HTR1E: variants seen among roughly 807,000 people sequenced by gnomAD.
HTR1E encodes 5-hydroxytryptamine receptor 1E.
A neutral mutation model predicts 3.4 loss-of-function variants in HTR1E; 3 were observed. That is an observed-to-expected ratio of 0.89 (90% CI 0.41 to 2.31). The LOEUF (loss-of-function observed/expected upper bound fraction) is 2.31, where lower values mean the gene tolerates loss of function less well. Among genes scored for constraint, HTR1E ranks in the 30% most tolerant of loss-of-function variants. The pLI is 0.05. For missense variants in HTR1E, 392 were observed against 467.0 expected (o/e 0.84, Z 1.48); for synonymous variants, 170 against 182.8 (o/e 0.93, Z 0.56).
chr6:86,991,492 G>A (rs1435531833), intron 1 of HTR1E, among the ~76,000 whole-genome samples: 1 of 152,064 alleles, frequency 6.6e-6, no homozygotes, highest in Non-Finnish European at 1.5e-5. Flanking sequence ...TAAAATAGAT[G>A]GTGCAAATGT....
At chr6:86,958,459 A>T (rs1262121950) in intron 1 of HTR1E, among the ~76,000 whole-genome samples, 1 of 151,886 alleles carries the variant, frequency 6.6e-6, no homozygotes, top group South Asian at 2.1e-4. Flanking sequence ...TTTTTCCCTC[A>T]TGATACTTGC....
In HTR1E at chr6:86,993,272, T is replaced by TA. The variant is rs61238932; in HGVS notation, c.-185-21867dup. Among the ~76,000 whole-genome samples the TA allele has an allele frequency of 2.6e-3, 385 of 147,370 alleles. 1 individual carries two copies. Among genetic ancestry groups the TA allele is most frequent in the African/African-American group, 8.3e-3 (336 of 40,614 alleles). ...ATTTTACCAAAATAAAAAGTTTATT[T>TA]AAAAAAAAAAAGATGGTATAAATGT... On this transcript the variant is annotated intron_variant, in intron 1 of 1. Transcript: ENST00000305344.
intron 1 of HTR1E, among the ~76,000 whole-genome samples, chr6:87,008,624 G>C (rs1768154189): frequency 6.6e-6 from 1 of 152,206 alleles, no homozygotes; most frequent in East Asian, 1.9e-4. Flanking sequence ...GGAAAGGTGA[G>C]TGTTGGCTCT....
intron 1 of HTR1E, among the ~76,000 whole-genome samples, chr6:86,988,668 A>G (rs1275823787): frequency 2.6e-5 from 4 of 152,232 alleles, no homozygotes; most frequent in South Asian, 2.1e-4. Flanking sequence ...CCCTTTCTCT[A>G]TATCTATCCT....
chr6:87,009,958 C>A, intron 1 of HTR1E, among the ~76,000 whole-genome samples: 1 of 126,688 alleles, frequency 7.9e-6, no homozygotes, highest in African/African-American at 3.2e-5. Flanking sequence ...GTAGGGGCGG[C>A]CGGGCAGAGG....
chr6:86,953,793 C>G (rs545603901), intron 1 of HTR1E, among the ~76,000 whole-genome samples: 18 of 152,242 alleles, frequency 1.2e-4, no homozygotes, highest in African/African-American at 4.3e-4. Context: ...ACTCACAGTT[C>G]CATAGTCTGT....
chr6:86,949,943 G>A (rs557969684), intron 1 of HTR1E, among the ~76,000 whole-genome samples: 1 of 152,186 alleles, frequency 6.6e-6, no homozygotes, highest in Non-Finnish European at 1.5e-5. Context: ...CTGAGTGAAC[G>A]TATTTACTGG....
rs758792160 is a variant in HTR1E, at chr6:87,016,484, G to C, written c.*52G>C. The C allele has an allele frequency of 6.8e-6, 10 of 1,459,964 alleles. No homozygotes were observed. Among genetic ancestry groups the C allele is most frequent in the African/African-American group, 1.4e-5 (1 of 70,756 alleles). 90.4% of individuals were successfully genotyped at this position (1,459,964 alleles called of 1,614,324 possible). A position where few individuals can be genotyped will look rare whatever the true frequency, so the allele number is the denominator to read the frequency against. On this transcript the variant is annotated 3_prime_UTR_variant, in exon 2 of 2. Transcript: ENST00000305344. The stretch of plus-strand genomic sequence containing the variant: ...TTTTCCAGAGCCTCATGAGTGGATG[G>C]GGGTAAGGGGTGCAACTTATTAATT...
At chr6:86,946,893 G>C (rs1465420811) in intron 1 of HTR1E, among the ~76,000 whole-genome samples, 1 of 152,126 alleles carries the variant, frequency 6.6e-6, no homozygotes. Flanking sequence ...AAGACAGGCG[G>C]ATCACCTGAG....
At chr6:86,976,559 CA>C (rs1456344042) in intron 1 of HTR1E, among the ~76,000 whole-genome samples, 1 of 152,208 alleles carries the variant, frequency 6.6e-6, no homozygotes, top group African/African-American at 2.4e-5. Context: ...GGACACCACA[CA>C]TCAACATCTC....
chr6:86,991,167 T>C (rs1365415569), intron 1 of HTR1E, among the ~76,000 whole-genome samples: 2 of 152,096 alleles, frequency 1.3e-5, no homozygotes, highest in Non-Finnish European at 2.9e-5. Context: ...CAGTCAGTCA[T>C]GAGAAACAAG....
chr6:87,005,227 G>A (rs763648759), intron 1 of HTR1E, among the ~76,000 whole-genome samples: 1 of 151,918 alleles, frequency 6.6e-6, no homozygotes, highest in Non-Finnish European at 1.5e-5. Flanking sequence ...GCACAGAAAT[G>A]GAAAAAATAA....
intron 1 of HTR1E, among the ~76,000 whole-genome samples, chr6:87,002,727 G>C (rs1023762185): frequency 6.6e-6 from 1 of 152,162 alleles, no homozygotes; most frequent in African/African-American, 2.4e-5. Context: ...TGATTGGTGG[G>C]TTTATAATCC....
chr6:86,988,879 T>G (rs1296374253), intron 1 of HTR1E, among the ~76,000 whole-genome samples: 1 of 152,128 alleles, frequency 6.6e-6, no homozygotes, highest in Non-Finnish European at 1.5e-5. Flanking sequence ...AAGAGCCAAG[T>G]TGAGGTGTAA....
chr6:86,995,687 AGAAAAAAAAAAAAAAAAG>A (rs1562070249), intron 1 of HTR1E, among the ~76,000 whole-genome samples: 18 of 65,150 alleles, frequency 2.8e-4, no homozygotes, highest in Non-Finnish European at 6.6e-4. Flanking sequence ...AAAAAAAAAA[AGAAAAAAAAAAAAAAAAG>A]AAAACATGAC....
intron 1 of HTR1E, among the ~76,000 whole-genome samples, chr6:86,951,329 C>G (rs533696236): frequency 6.6e-6 from 1 of 152,182 alleles, no homozygotes; most frequent in African/African-American, 2.4e-5. Flanking sequence ...TTTACCAACA[C>G]AGCCTTTGAA....
At chr6:86,996,206 A>C (rs1001081102) in intron 1 of HTR1E, among the ~76,000 whole-genome samples, 2 of 152,180 alleles carry the variant, frequency 1.3e-5, no homozygotes, top group African/African-American at 4.8e-5. Flanking sequence ...CTTATCTTGG[A>C]CCATAAAATA....
At chr6:86,945,329 G>A (rs9450601) in intron 1 of HTR1E, among the ~76,000 whole-genome samples, 2 of 152,004 alleles carry the variant, frequency 1.3e-5, no homozygotes. Context: ...TGCAACCTCC[G>A]CCTCCCAGGT....
chr6:86,978,709 A>G (rs1353480287), intron 1 of HTR1E, among the ~76,000 whole-genome samples: 5 of 152,224 alleles, frequency 3.3e-5, no homozygotes, highest in African/African-American at 1.2e-4. Flanking sequence ...GCAAGCAGAC[A>G]TGCATGCCAA....
Sources: allele counts gnomAD v4.1 joint callset (sites outside exome capture counted in the v4.1 genomes callset), GRCh38; gene constraint gnomAD v4.1.1; transcripts MANE v1.5; gene names NCBI Gene and HGNC (gene_info 2026-07-23, HGNC 2026-07-21).